Variants in CTDSPL observed in about 807,000 individuals in gnomAD.
The protein encoded by CTDSPL is CTD small phosphatase like.
Under a neutral mutation model 30.5 loss-of-function variants are expected in CTDSPL, and 8 were observed. The observed-to-expected ratio is 0.26, with a 90% confidence interval of 0.15 to 0.47. CTDSPL has a LOEUF of 0.47. Ranked by LOEUF, CTDSPL falls within the 20% of genes least tolerant of loss-of-function variation. CTDSPL has a pLI of 0.99. For missense variants in CTDSPL, 248 were observed against 366.1 expected (o/e 0.68, Z 2.63); for synonymous variants, 110 against 137.9 (o/e 0.80, Z 1.42).
intron 1 of CTDSPL, among the ~76,000 whole-genome samples, chr3:37,905,596 C>A (rs73058907): frequency 0.031 from 4,706 of 152,324 alleles, 91 homozygotes; most frequent in Middle Eastern, 0.054. Flanking sequence ...CCTTCCCCCC[C>A]TCCCTCCTTG....
chr3:37,894,635 A>G (rs1575286211), intron 1 of CTDSPL, among the ~76,000 whole-genome samples: 2 of 152,296 alleles, frequency 1.3e-5, no homozygotes, highest in East Asian at 3.9e-4. Context: ...CCATTAAAAA[A>G]ATATGTTTTT....
intron 1 of CTDSPL, among the ~76,000 whole-genome samples, chr3:37,885,895 G>C (rs1002888294): frequency 6.6e-6 from 1 of 152,168 alleles, no homozygotes; most frequent in African/African-American, 2.4e-5. Context: ...TTACTACAGA[G>C]AGAACTGAAA....
At chr3:37,969,311 C>T (rs1412688374) in intron 5 of CTDSPL, 2 of 468,506 alleles carry the variant, frequency 4.3e-6, no homozygotes, top group Non-Finnish European at 8.8e-6. Flanking sequence ...GCTGTGATAT[C>T]ACAAGGTCCC....
chr3:37,912,830 C>A (rs1371664694), intron 1 of CTDSPL, among the ~76,000 whole-genome samples: 1 of 152,188 alleles, frequency 6.6e-6, no homozygotes. Flanking sequence ...TCATCATAGC[C>A]CAACAAAGCT....
At chr3:37,968,800 G>C (rs1699329598) in intron 5 of CTDSPL, among the ~76,000 whole-genome samples, 1 of 152,254 alleles carries the variant, frequency 6.6e-6, no homozygotes, top group Non-Finnish European at 1.5e-5. Context: ...AGAAACTGAG[G>C]CTCCGCCAGG....
chr3:37,899,449 G>T (rs1334307270), intron 1 of CTDSPL, among the ~76,000 whole-genome samples: 1 of 152,192 alleles, frequency 6.6e-6, no homozygotes, highest in Non-Finnish European at 1.5e-5. Flanking sequence ...AGCCCCATGT[G>T]CAGGAGCTGC....
At chr3:37,927,636 A>C (rs9836045) in intron 1 of CTDSPL, among the ~76,000 whole-genome samples, 3 of 115,782 alleles carry the variant, frequency 2.6e-5, no homozygotes. Flanking sequence ...AGAAAAATAT[A>C]TGTGTGTGTG....
At chr3:37,927,125 A>G (rs971930213) in intron 1 of CTDSPL, among the ~76,000 whole-genome samples, 1 of 152,162 alleles carries the variant, frequency 6.6e-6, no homozygotes, top group Non-Finnish European at 1.5e-5. Context: ...GGAAAATTCC[A>G]CACCTGACCT....
Position 37,982,521 on chromosome 3 carries a change from C to T in CTDSPL, c.*1654C>T, listed in dbSNP as rs1443036866. ...GACTGGCATTAACAAGACTGGAAAT[C>T]GGGGGTCAAAGTAAAATATCTTTGT... On this transcript the variant is annotated 3_prime_UTR_variant, in exon 8 of 8. Coordinates refer to ENST00000273179, the MANE Select transcript of CTDSPL (RefSeq NM_001008392.2). 11 of 456,446 alleles carry T rather than the reference C, an allele frequency of 2.4e-5. No individual in the cohort carries two copies. The East Asian group carries it at 3.5e-4, about 14-fold the overall frequency. 28.3% of individuals were successfully genotyped at this position (456,446 alleles called of 1,614,324 possible).
chr3:37,870,424 A>T (rs1217435582), intron 1 of CTDSPL, among the ~76,000 whole-genome samples: 1 of 152,056 alleles, frequency 6.6e-6, no homozygotes. Flanking sequence ...TTCATTCCTG[A>T]TGTTGACAAT....
intron 2 of CTDSPL, among the ~76,000 whole-genome samples, chr3:37,953,848 G>T (rs1351745710): frequency 6.6e-6 from 1 of 152,108 alleles, no homozygotes; most frequent in African/African-American, 2.4e-5. Flanking sequence ...TCTGGCTAAT[G>T]GAATAAGCCA....
At chr3:37,970,871 C>T (rs973435607) in intron 5 of CTDSPL, among the ~76,000 whole-genome samples, 10 of 152,332 alleles carry the variant, frequency 6.6e-5, no homozygotes, top group African/African-American at 2.2e-4. Context: ...GACAAGGAAG[C>T]CCCTTCTTGC....
intron 6 of CTDSPL, among the ~76,000 whole-genome samples, chr3:37,973,417 G>A (rs999165739): frequency 2.0e-5 from 3 of 152,324 alleles, no homozygotes; most frequent in East Asian, 1.9e-4. Flanking sequence ...ATCCTTGTTC[G>A]GTTACTCTTC....
chr3:37,980,466 C>T (rs1269064334), intron 7 of CTDSPL, among the ~76,000 whole-genome samples: 2 of 152,210 alleles, frequency 1.3e-5, no homozygotes, highest in Non-Finnish European at 2.9e-5. Context: ...ACATTCTATG[C>T]TCTGGCCACC....
intron 1 of CTDSPL, among the ~76,000 whole-genome samples, chr3:37,894,216 G>A (rs766802683): frequency 6.6e-6 from 1 of 151,954 alleles, no homozygotes; most frequent in African/African-American, 2.4e-5. Flanking sequence ...CGAGTAGCTC[G>A]GACTACAGGC....
chr3:37,936,118 C>T (rs530586418), intron 1 of CTDSPL, among the ~76,000 whole-genome samples: 35 of 152,134 alleles, frequency 2.3e-4, no homozygotes, highest in Non-Finnish European at 4.7e-4. Context: ...AGCAGAATCC[C>T]TCCTGACCAT....
intron 1 of CTDSPL, among the ~76,000 whole-genome samples, chr3:37,927,867 G>T (rs1304672454): frequency 6.6e-6 from 1 of 151,666 alleles, no homozygotes; most frequent in African/African-American, 2.4e-5. Context: ...CCCAGCCCTT[G>T]GCAGCCACCA....
chr3:37,882,046 G>A (rs1385985619), intron 1 of CTDSPL, among the ~76,000 whole-genome samples: 4 of 152,102 alleles, frequency 2.6e-5, no homozygotes, highest in Admixed American at 6.5e-5. Context: ...GGTGGCTCAC[G>A]CCTGTAGTCC....
intron 1 of CTDSPL, among the ~76,000 whole-genome samples, chr3:37,876,011 G>A (rs1169561224): frequency 3.9e-5 from 6 of 152,116 alleles, no homozygotes; most frequent in African/African-American, 7.2e-5. Context: ...AGGAGGCTGA[G>A]GTGGGAGGAT....
Sources: gnomAD v4.1 joint callset for allele counts (sites outside exome capture counted in the v4.1 genomes callset) on GRCh38, gnomAD v4.1.1 for gene constraint, MANE v1.5 for transcripts, NCBI Gene and HGNC (gene_info 2026-07-23, HGNC 2026-07-21) for gene names.